NAALADL2: variants seen among roughly 807,000 people sequenced by gnomAD.
The protein encoded by NAALADL2 is N-acetylated alpha-linked acidic dipeptidase like 2.
Under a neutral mutation model 87.2 loss-of-function variants are expected in NAALADL2, and 76 were observed. The ratio of observed to expected loss-of-function variants is 0.87; its 90% CI spans 0.72 to 1.05. The LOEUF is 1.05. Ranked by LOEUF, NAALADL2 falls within the 50% of genes least tolerant of loss-of-function variation. NAALADL2 has a pLI of 0.00. For synonymous variants in NAALADL2, 354 were observed against 331.0 expected (o/e 1.07, Z -0.75); for missense variants, 1,089 against 945.8 (o/e 1.15, Z -1.99).
At chr3:175,362,532 T>C (rs536018579) in intron 5 of NAALADL2, among the ~76,000 whole-genome samples, 1 of 148,400 alleles carries the variant, frequency 6.7e-6, no homozygotes, top group South Asian at 2.2e-4. Context: ...TTGTATCCTC[T>C]TTTATTTCGT....
At chr3:175,517,228 G>C (rs572255620) in intron 9 of NAALADL2, among the ~76,000 whole-genome samples, 1 of 152,214 alleles carries the variant, frequency 6.6e-6, no homozygotes, top group South Asian at 2.1e-4. Context: ...CAATTTATCA[G>C]TAGGTGGACA....
chr3:175,754,397 C>G (rs1333402058), intron 12 of NAALADL2, among the ~76,000 whole-genome samples: 1 of 152,128 alleles, frequency 6.6e-6, no homozygotes, highest in Non-Finnish European at 1.5e-5. Context: ...TTGCTACCAC[C>G]ATTCCTCTCA....
chr3:175,040,862 C>T (rs73883316), intron 1 of NAALADL2, among the ~76,000 whole-genome samples: 1,655 of 152,192 alleles, frequency 0.011, 29 homozygotes, highest in African/African-American at 0.038. Flanking sequence ...TACAGAACCC[C>T]ATATTTAAAA....
intron 2 of NAALADL2, among the ~76,000 whole-genome samples, chr3:175,227,320 C>T (rs1474285428): frequency 6.6e-6 from 1 of 151,824 alleles, no homozygotes; most frequent in African/African-American, 2.4e-5. Flanking sequence ...CCAAAATTCT[C>T]CCATTTCTAA....
intron 11 of NAALADL2, among the ~76,000 whole-genome samples, chr3:175,634,665 C>T (rs1183317083): frequency 6.6e-6 from 1 of 151,834 alleles, no homozygotes; most frequent in African/African-American, 2.4e-5. Flanking sequence ...TCTGAATGAG[C>T]AAATCTGTCT....
intron 13 of NAALADL2, among the ~76,000 whole-genome samples, chr3:175,765,534 A>G (rs7644998): frequency 0.23 from 34,456 of 152,044 alleles, 5,139 homozygotes; most frequent in African/African-American, 0.43. Context: ...TGAAATAAGG[A>G]TAATTAGTCT....
At chr3:175,306,538 G>A (rs997198400) in intron 4 of NAALADL2, among the ~76,000 whole-genome samples, 7 of 152,214 alleles carry the variant, frequency 4.6e-5, no homozygotes, top group South Asian at 4.1e-4. Flanking sequence ...GCGGCCAGAC[G>A]CGGTGGCTCG....
chr3:174,913,723 A>C (rs531070474), intron 1 of NAALADL2, among the ~76,000 whole-genome samples: 1 of 152,304 alleles, frequency 6.6e-6, no homozygotes, highest in South Asian at 2.1e-4. Context: ...GCACTCAATA[A>C]ATATTTTATC....
intron 12 of NAALADL2, among the ~76,000 whole-genome samples, chr3:175,742,416 G>A (rs1386761078): frequency 4.6e-5 from 7 of 152,172 alleles, no homozygotes. Flanking sequence ...TTTGTTTTCT[G>A]AGACGGAGTC....
In NAALADL2 at chr3:175,807,354, T is replaced by A. The variant is rs970026390; in HGVS notation, c.*4151T>A. 4 of 151,944 alleles carry A rather than the reference T, an allele frequency of 2.6e-5. No homozygotes were observed. The highest frequency in any genetic ancestry group is 4.4e-5 in the Non-Finnish European group (3 of 67,898). The allele number at this position is 151,944 out of a possible 1,614,324, so 9.4% of individuals were successfully genotyped here. ...TAAAATAAATGATTATTTGTGACCATGTTACTAATGATGAATCAGCATCTT... is the reference window on the plus strand; with the variant it reads ...TAAAATAAATGATTATTTGTGACCAAGTTACTAATGATGAATCAGCATCTT... On this transcript the variant is annotated 3_prime_UTR_variant, in exon 14 of 14. Coordinates refer to ENST00000454872, the MANE Select transcript of NAALADL2 (RefSeq NM_207015.3).
chr3:175,614,668 T>C (rs1725106807), intron 10 of NAALADL2, among the ~76,000 whole-genome samples: 1 of 152,220 alleles, frequency 6.6e-6, no homozygotes, highest in Non-Finnish European at 1.5e-5. Context: ...CCTACTAACC[T>C]TCTAAGGCTA....
rs564038412 is a variant in NAALADL2 at position 175,538,955 on chromosome 3, A to G, written c.1654-37086A>G. Among the ~76,000 whole-genome samples the G allele has an allele frequency of 1.6e-4, 24 of 152,320 alleles. 1 individual carries two copies. In the South Asian group the frequency reaches 5.0e-3, roughly 32 times the overall value. ...AAGGCAAGAGCAGGCAGAAAAATTC[A>G]TGGTTCATATTTTTCTACAAAAGGT... On this transcript the variant is annotated intron_variant, in intron 9 of 13. Coordinates refer to ENST00000454872, the MANE Select transcript of NAALADL2 (RefSeq NM_207015.3).
At chr3:174,969,023 T>C (rs1302861866) in intron 1 of NAALADL2, among the ~76,000 whole-genome samples, 2 of 152,178 alleles carry the variant, frequency 1.3e-5, no homozygotes, top group African/African-American at 2.4e-5. Context: ...CCACATAAAA[T>C]AGGGAGATTA....
chr3:174,926,079 A>G (rs1735981441), intron 1 of NAALADL2, among the ~76,000 whole-genome samples: 2 of 152,188 alleles, frequency 1.3e-5, no homozygotes, highest in Admixed American at 1.3e-4. Flanking sequence ...TCGGTAGCCG[A>G]TTCAATCAAG....
chr3:175,703,959 C>G (rs1186088942), intron 11 of NAALADL2, among the ~76,000 whole-genome samples: 1 of 152,034 alleles, frequency 6.6e-6, no homozygotes, highest in Non-Finnish European at 1.5e-5. Flanking sequence ...AAGTTCAGGT[C>G]CAGCCCTTAA....
intron 1 of NAALADL2, among the ~76,000 whole-genome samples, chr3:174,997,602 A>T (rs899559005): frequency 6.6e-6 from 1 of 152,144 alleles, no homozygotes; most frequent in Non-Finnish European, 1.5e-5. Context: ...AGGCGGGTGG[A>T]TCACCTGAGA....
intron 3 of NAALADL2, among the ~76,000 whole-genome samples, chr3:174,796,283 C>T (rs1317968290): frequency 6.6e-6 from 1 of 152,146 alleles, no homozygotes; most frequent in Non-Finnish European, 1.5e-5. Flanking sequence ...GAGTATATTG[C>T]ATACTGGTGG....
chr3:175,195,166 T>C (rs1738791194), intron 2 of NAALADL2, among the ~76,000 whole-genome samples: 1 of 151,766 alleles, frequency 6.6e-6, no homozygotes, highest in Admixed American at 6.6e-5. Context: ...TGCAAGAGAC[T>C]CTAATAATGT....
intron 5 of NAALADL2, among the ~76,000 whole-genome samples, chr3:175,375,466 C>T (rs900545181): frequency 1.3e-5 from 2 of 152,054 alleles, no homozygotes; most frequent in Non-Finnish European, 1.5e-5. Context: ...ATTTGTTTTT[C>T]AGCATTGTGA....
Sources: gnomAD v4.1 joint callset for allele counts (sites outside exome capture counted in the v4.1 genomes callset) on GRCh38, gnomAD v4.1.1 for gene constraint, MANE v1.5 for transcripts, NCBI Gene and HGNC (gene_info 2026-07-23, HGNC 2026-07-21) for gene names.